The following CSRNP3 variants were observed in gnomAD, a reference collection of about 807,000 sequenced individuals.
CSRNP3 encodes cysteine/serine-rich nuclear protein 3.
In CSRNP3, 12 loss-of-function variants were observed where a neutral mutation model predicts 48.0. The ratio of observed to expected loss-of-function variants is 0.25; its 90% CI spans 0.16 to 0.41. The LOEUF (loss-of-function observed/expected upper bound fraction) is 0.41, where lower values mean the gene tolerates loss of function less well. Ranked by LOEUF, CSRNP3 falls within the 10% of genes least tolerant of loss-of-function variation. The pLI is 1.00. For synonymous variants in CSRNP3, 263 were observed against 269.7 expected (o/e 0.98, Z 0.24); for missense variants, 580 against 724.4 (o/e 0.80, Z 2.29).
At chr2:165,537,841 T>C (rs1684901322) in intron 3 of CSRNP3, among the ~76,000 whole-genome samples, 1 of 151,910 alleles carries the variant, frequency 6.6e-6, no homozygotes, top group African/African-American at 2.4e-5. Flanking sequence ...TGACCTAGAT[T>C]TACCACTTGC....
intron 4 of CSRNP3, among the ~76,000 whole-genome samples, chr2:165,645,949 T>A (rs1193409678): frequency 2.6e-5 from 4 of 152,030 alleles, no homozygotes; most frequent in African/African-American, 9.7e-5. Flanking sequence ...TTCACCATAT[T>A]CCCCAGGCTA....
rs1328754734 is a variant in CSRNP3 at position 165,681,559 on chromosome 2, T to C, written c.*1806T>C. On this transcript the variant is annotated 3_prime_UTR_variant, in exon 7 of 7. Coordinates refer to ENST00000651982, the MANE Select transcript of CSRNP3 (RefSeq NM_001172173.2). ...CACTGTGCAGTTGGTTTCTGCCCCT[T>C]CTCTTCCCCCCTACATTGGGCCAAA... 2 of 151,516 alleles carry C rather than the reference T, an allele frequency of 1.3e-5. No homozygotes were observed. Among genetic ancestry groups the C allele is most frequent in the African/African-American group, 4.8e-5 (2 of 41,244 alleles). 9.4% of individuals were successfully genotyped at this position (151,516 alleles called of 1,614,324 possible).
chr2:165,564,753 A>G (rs1685276830), intron 3 of CSRNP3, among the ~76,000 whole-genome samples: 1 of 152,086 alleles, frequency 6.6e-6, no homozygotes, highest in Admixed American at 6.6e-5. Context: ...TACTATATAT[A>G]GGAAATATGT....
At chr2:165,678,646 C>T (rs1034216719) in intron 6 of CSRNP3, 55 bp from the exon 7 acceptor site, 63 of 1,549,280 alleles carry the variant, frequency 4.1e-5, no homozygotes, top group Admixed American at 3.3e-4. Context: ...AAGTTCTGGG[C>T]GTTTATTTGG....
chr2:165,659,316 T>C (rs1359475989), intron 5 of CSRNP3, among the ~76,000 whole-genome samples: 1 of 152,044 alleles, frequency 6.6e-6, no homozygotes, highest in Non-Finnish European at 1.5e-5. Flanking sequence ...GCAAACAAAA[T>C]CAGCAGTGCT....
At chr2:165,607,772 C>T (rs1686056862) in intron 4 of CSRNP3, among the ~76,000 whole-genome samples, 1 of 152,072 alleles carries the variant, frequency 6.6e-6, no homozygotes, top group South Asian at 2.1e-4. Context: ...AAACTCATTC[C>T]ATTTGTTGTA....
chr2:165,613,829 A>G lies in CSRNP3; in HGVS notation c.148+18616A>G, dbSNP rs1460953132. On this transcript the variant is annotated intron_variant, in intron 4 of 6. Transcript: ENST00000651982. ...TTGTAGTGGATTTTGAAGTCAGGTA[A>G]TGTGATGCCTCCAGCTTTGTTCTTT... is the stretch of plus-strand genomic sequence containing the variant. 2.0e-5 allele frequency among the ~76,000 whole-genome samples: 3 copies of G among 151,620 alleles called. No individual in the cohort carries two copies. In the East Asian group the frequency reaches 5.8e-4, roughly 29 times the overall value.
intron 3 of CSRNP3, among the ~76,000 whole-genome samples, chr2:165,546,217 A>C (rs1685022638): frequency 6.6e-6 from 1 of 152,042 alleles, no homozygotes; most frequent in Non-Finnish European, 1.5e-5. Context: ...TTTGAGACAG[A>C]GTCTCACTCT....
intron 3 of CSRNP3, among the ~76,000 whole-genome samples, chr2:165,539,591 T>G (rs1423414606): frequency 6.6e-6 from 1 of 152,046 alleles, no homozygotes; most frequent in Non-Finnish European, 1.5e-5. Context: ...GAACAGCTGA[T>G]GTATAAAAAG....
At chr2:165,537,376 TA>T (rs1684895220) in intron 3 of CSRNP3, among the ~76,000 whole-genome samples, 1 of 149,760 alleles carries the variant, frequency 6.7e-6, no homozygotes, top group African/African-American at 2.5e-5. Context: ...TAAAAGCCCT[TA>T]ACGCCAGGAA....
At chr2:165,624,719 C>A (rs1686399607) in intron 4 of CSRNP3, among the ~76,000 whole-genome samples, 1 of 152,162 alleles carries the variant, frequency 6.6e-6, no homozygotes, top group Admixed American at 6.5e-5. Flanking sequence ...ACTTCCCCTG[C>A]CTCTCCCTAT....
At chr2:165,500,471 A>G (rs954969664) in intron 2 of CSRNP3, among the ~76,000 whole-genome samples, 2 of 149,902 alleles carry the variant, frequency 1.3e-5, no homozygotes, top group African/African-American at 2.5e-5. Context: ...ATATTTTGAG[A>G]CGGAGTCTCC....
intron 3 of CSRNP3, among the ~76,000 whole-genome samples, chr2:165,573,393 A>G (rs1685401576): frequency 6.6e-6 from 1 of 152,222 alleles, no homozygotes. Flanking sequence ...GACTTTTTCT[A>G]TGTAGAAAAT....
intron 5 of CSRNP3, among the ~76,000 whole-genome samples, chr2:165,674,100 GT>G (rs1230416044): frequency 1.3e-5 from 2 of 152,090 alleles, no homozygotes; most frequent in African/African-American, 4.8e-5. Flanking sequence ...TTGTTGTAAT[GT>G]TACCAACTGC....
chr2:165,531,298 T>G (rs1684808931), intron 3 of CSRNP3, among the ~76,000 whole-genome samples: 1 of 152,196 alleles, frequency 6.6e-6, no homozygotes, highest in Admixed American at 6.5e-5. Flanking sequence ...AATTATTAGG[T>G]TGTTCAATAA....
chr2:165,474,978 T>G (rs1266833647), intron 1 of CSRNP3, among the ~76,000 whole-genome samples: 1 of 152,174 alleles, frequency 6.6e-6, no homozygotes, highest in Non-Finnish European at 1.5e-5. Context: ...ATGTTGTGGA[T>G]ATATCACAAT....
intron 3 of CSRNP3, chr2:165,574,240 CAGAAGCGAGAGGAG>C: frequency 2.9e-6 from 2 of 681,126 alleles, no homozygotes; most frequent in South Asian, 4.0e-5. Flanking sequence ...GCTTTGACTG[CAGAAGCGAGAGGAG>C]GGGGCAGAAG....
rs56146559 is a variant in CSRNP3, at chr2:165,611,379, G to GTGTGTGTGTGTA, written c.148+16167_148+16168insGTGTGTGTGTAT. Among the ~76,000 whole-genome samples, 377 of 151,038 alleles carry GTGTGTGTGTGTA rather than the reference G, an allele frequency of 2.5e-3. 1 individual carries two copies. The highest frequency in any genetic ancestry group is 5.5e-3 in the East Asian group (28 of 5,106). On this transcript the variant is annotated intron_variant, in intron 4 of 6. Transcript: ENST00000651982. ...TCACGATATATGTGTGTGTGTGTGT[G>GTGTGTGTGTGTA]TATATACATACATATATATATGTAT...
intron 4 of CSRNP3, among the ~76,000 whole-genome samples, chr2:165,615,918 A>G (rs1407955102): frequency 2.7e-5 from 3 of 112,878 alleles, no homozygotes; most frequent in African/African-American, 6.9e-5. Context: ...TTTTTTACAG[A>G]TTGGGTCTCA....
Sources: gnomAD v4.1 joint callset for allele counts (sites outside exome capture counted in the v4.1 genomes callset) on GRCh38, gnomAD v4.1.1 for gene constraint, MANE v1.5 for transcripts, NCBI Gene and HGNC (gene_info 2026-07-23, HGNC 2026-07-21) for gene names.